Variants in PDE1A observed in about 807,000 individuals in gnomAD.
PDE1A encodes phosphodiesterase 1A, also known as dual specificity calcium/calmodulin-dependent 3',5'-cyclic nucleotide phosphodiesterase 1A.
PDE1A carries 35 observed loss-of-function variants against 61.7 expected under a neutral mutation model. That is an observed-to-expected ratio of 0.57 (90% CI 0.43 to 0.75). The LOEUF is 0.75. PDE1A is among the 30% of genes least tolerant of loss of function. PDE1A has a pLI of 0.00. For synonymous variants in PDE1A, 232 were observed against 213.2 expected (o/e 1.09, Z -0.77); for missense variants, 597 against 630.6 (o/e 0.95, Z 0.57).
At chr2:182,247,741 CTA>C (rs1158835847) in intron 2 of PDE1A, among the ~76,000 whole-genome samples, 2 of 152,178 alleles carry the variant, frequency 1.3e-5, no homozygotes, top group African/African-American at 4.8e-5. Flanking sequence ...ATACATTTAT[CTA>C]AGACATGAAA....
intron 8 of PDE1A, among the ~76,000 whole-genome samples, chr2:182,205,465 T>C (rs576778853): frequency 2.6e-5 from 4 of 151,978 alleles, no homozygotes; most frequent in Non-Finnish European, 5.9e-5. Flanking sequence ...TGGAGAAACA[T>C]GTAAGATTTC....
the PDE1A span, among the ~76,000 whole-genome samples, chr2:182,652,071 A>G: frequency 2.0e-5 from 3 of 152,244 alleles, no homozygotes; most frequent in Non-Finnish European, 4.4e-5. Flanking sequence ...TAGATCATAA[A>G]TAGCAATGCA....
chr2:182,184,101 C>G (rs1403729922), intron 13 of PDE1A, among the ~76,000 whole-genome samples: 1 of 151,570 alleles, frequency 6.6e-6, no homozygotes, highest in African/African-American at 2.4e-5. Context: ...AGGACAATTT[C>G]CAGAATCCTA....
chr2:182,524,926 A>G (rs1690753764), upstream of PDE1A, among the ~76,000 whole-genome samples: 1 of 151,756 alleles, frequency 6.6e-6, no homozygotes, highest in African/African-American at 2.4e-5. Flanking sequence ...CTAATATTTT[A>G]TTAGGAATGG....
intron 6 of PDE1A, 37 bp downstream of exon 6, chr2:182,229,969 C>G: frequency 6.4e-7 from 1 of 1,569,810 alleles, no homozygotes; most frequent in South Asian, 1.2e-5. Flanking sequence ...TGGAATGCTT[C>G]CAAACTAACA....
the PDE1A span, among the ~76,000 whole-genome samples, chr2:182,553,265 G>A: frequency 1.6e-4 from 24 of 151,926 alleles, no homozygotes; most frequent in African/African-American, 3.6e-4. Flanking sequence ...GAAGTGGCTC[G>A]CCACCATCTT....
chr2:182,599,777 GC>G, the PDE1A span, among the ~76,000 whole-genome samples: 1 of 152,134 alleles, frequency 6.6e-6, no homozygotes, highest in Non-Finnish European at 1.5e-5. Flanking sequence ...TATCAGACAA[GC>G]CAACCCAAGC....
exon 3 of PDE1A, chr2:182,240,244 T>C: frequency 3.7e-6 from 6 of 1,612,774 alleles, no homozygotes; most frequent in Non-Finnish European, 4.2e-6. Context: ...CAGATGGGAC[T>C]GAGTCAGTCT....
chr2:182,361,770 C>T (rs1415820021), intron 1 of PDE1A, among the ~76,000 whole-genome samples: 3 of 151,950 alleles, frequency 2.0e-5, no homozygotes, highest in African/African-American at 4.8e-5. Flanking sequence ...ACTTTTTTCG[C>T]ACTTTTTATC....
At chr2:182,459,755 G>C (rs950077553) in intron 2 of PDE1A, among the ~76,000 whole-genome samples, 2 of 152,048 alleles carry the variant, frequency 1.3e-5, no homozygotes, top group South Asian at 2.1e-4. Flanking sequence ...TGCTACAAAG[G>C]GGGTAGAATG....
At chr2:182,584,098 G>T in the PDE1A span, among the ~76,000 whole-genome samples, 5 of 152,174 alleles carry the variant, frequency 3.3e-5, no homozygotes, top group Non-Finnish European at 5.9e-5. Context: ...ATCTTGCAAG[G>T]AGCCACAAGG....
chr2:182,572,136 ATATT>A, the PDE1A span, among the ~76,000 whole-genome samples: 1 of 152,182 alleles, frequency 6.6e-6, no homozygotes, highest in East Asian at 1.9e-4. Context: ...CAAATGTTCA[ATATT>A]TGTTTGTTAT....
chr2:182,490,384 C>A (rs1000927716), intron 2 of PDE1A, among the ~76,000 whole-genome samples: 5 of 152,082 alleles, frequency 3.3e-5, no homozygotes, highest in Admixed American at 2.0e-4. Flanking sequence ...TATTTATTTA[C>A]TTTTTGAGAC....
intron 1 of PDE1A, among the ~76,000 whole-genome samples, chr2:182,313,784 G>C (rs1308184358): frequency 3.3e-5 from 5 of 152,050 alleles, no homozygotes. Flanking sequence ...TTTAAGGGGA[G>C]ATAATATGAA....
At chr2:182,270,160 C>T (rs779731817) in intron 1 of PDE1A, among the ~76,000 whole-genome samples, 1 of 152,108 alleles carries the variant, frequency 6.6e-6, no homozygotes, top group African/African-American at 2.4e-5. Context: ...ACGATCAGGA[C>T]ACATAAAAGA....
chr2:182,643,279 A>C, the PDE1A span, among the ~76,000 whole-genome samples: 3 of 152,208 alleles, frequency 2.0e-5, no homozygotes, highest in Admixed American at 2.0e-4. Context: ...CATTTTATAC[A>C]GATTAAAAAT....
At chr2:182,615,810 G>A in the PDE1A span, among the ~76,000 whole-genome samples, 2 of 152,048 alleles carry the variant, frequency 1.3e-5, no homozygotes, top group Admixed American at 1.3e-4. Flanking sequence ...AGAGGGAGAA[G>A]GAAGAGGGAC....
intron 1 of PDE1A, among the ~76,000 whole-genome samples, chr2:182,380,392 G>A (rs992079562): frequency 5.3e-5 from 8 of 152,036 alleles, no homozygotes; most frequent in Non-Finnish European, 8.8e-5. Flanking sequence ...GATTACAGGC[G>A]TGAGCCACCG....
the PDE1A span, among the ~76,000 whole-genome samples, chr2:182,561,463 G>A: frequency 6.6e-6 from 1 of 152,176 alleles, no homozygotes; most frequent in East Asian, 1.9e-4. Context: ...CTGTAGTCTG[G>A]TAGTATAGTT....
Sources: gnomAD v4.1 joint callset for allele counts (sites outside exome capture counted in the v4.1 genomes callset) on GRCh38, gnomAD v4.1.1 for gene constraint, MANE v1.5 for transcripts, NCBI Gene and HGNC (gene_info 2026-07-23, HGNC 2026-07-21) for gene names.